ZNF451: variants seen among roughly 807,000 people sequenced by gnomAD.
The protein encoded by ZNF451 is zinc finger protein 451.
In ZNF451, 80 loss-of-function variants were observed where a neutral mutation model predicts 107.1. The observed-to-expected ratio is 0.75, with a 90% CI of 0.62 to 0.90. The LOEUF is 0.90. ZNF451 is among the 40% of genes least tolerant of loss of function. The probability of loss-of-function intolerance (pLI) is 0.00; values close to 1 mark genes in which losing one functional copy is unlikely to be tolerated. For synonymous variants in ZNF451, 362 were observed against 406.5 expected (o/e 0.89, Z 1.32); for missense variants, 1,107 against 1,236.2 (o/e 0.90, Z 1.57).
intron 3 of ZNF451, among the ~76,000 whole-genome samples, chr6:57,114,004 G>A (rs1214602568): frequency 6.6e-6 from 1 of 152,156 alleles, no homozygotes; most frequent in Non-Finnish European, 1.5e-5. Flanking sequence ...TTTCAGGATC[G>A]AGAGTGAATT....
intron 5 of ZNF451, among the ~76,000 whole-genome samples, chr6:57,130,658 G>T (rs535790469): frequency 6.6e-6 from 1 of 152,190 alleles, no homozygotes; most frequent in East Asian, 1.9e-4. Context: ...CTTAATATCT[G>T]GCCTCCAGGT....
At chr6:57,134,627 A>G (rs549303030) in intron 6 of ZNF451, 117 bp from the exon 7 acceptor site, 2 of 834,580 alleles carry the variant, frequency 2.4e-6, no homozygotes, top group Admixed American at 5.5e-5. Flanking sequence ...TTTCAGTAGA[A>G]AAGTGCAAAG....
intron 2 of ZNF451, among the ~76,000 whole-genome samples, chr6:57,096,946 T>G (rs556706513): frequency 5.3e-4 from 80 of 151,720 alleles, no homozygotes; most frequent in South Asian, 2.1e-3. Flanking sequence ...CTATTCCTAT[T>G]TTTAGTGGAG....
intron 13 of ZNF451, among the ~76,000 whole-genome samples, chr6:57,160,166 C>T (rs1398887840): frequency 6.6e-6 from 1 of 151,938 alleles, no homozygotes; most frequent in Non-Finnish European, 1.5e-5. Context: ...ACTTAGTTTC[C>T]CTTATTAGTA....
intron 3 of ZNF451, among the ~76,000 whole-genome samples, chr6:57,121,957 C>T (rs1049515679): frequency 6.6e-6 from 1 of 151,524 alleles, no homozygotes; most frequent in Non-Finnish European, 1.5e-5. Context: ...AGAGACATCA[C>T]ATTACCTAAT....
intron 2 of ZNF451, among the ~76,000 whole-genome samples, chr6:57,095,062 A>G (rs1378368551): frequency 3.9e-5 from 6 of 152,178 alleles, no homozygotes; most frequent in Non-Finnish European, 7.4e-5. Context: ...TAAATGTTTT[A>G]CTTCCGTAAG....
rs1423876126 is a variant in ZNF451 at position 57,147,906 on chromosome 6, A to G, written c.1821A>G (p.Gln607=). Residue 607 remains glutamine (Q), a synonymous_variant, in exon 10 of 15, where the codon CAA becomes CAG. Coordinates refer to ENST00000370706, the MANE Select transcript of ZNF451 (RefSeq NM_001031623.3). ...PANSSPRGKW[Q]CRICEDMFDS... ...ATAGTTCTCCGAGGGGTAAATGGCA[A>G]TGCCGGATTTGTGAAGATATGTTTG... The G allele has an allele frequency of 3.7e-6, 6 of 1,614,046 alleles. No homozygotes were observed. Among genetic ancestry groups the G allele is most frequent in the South Asian group, 3.3e-5 (3 of 91,086 alleles).
intron 6 of ZNF451, 148 bp downstream of exon 6, chr6:57,133,340 T>TG (rs1831273221): frequency 1.2e-6 from 1 of 854,294 alleles, no homozygotes; most frequent in Non-Finnish European, 1.7e-6. Flanking sequence ...TATGATATAA[T>TG]TTTTTCATAA....
chr6:57,132,961 GT>G (rs1831253728), intron 5 of ZNF451, 80 bp from the exon 6 acceptor site: 1 of 1,442,280 alleles, frequency 6.9e-7, no homozygotes, highest in African/African-American at 1.4e-5. Context: ...AATTTTCATT[GT>G]TTTGTCCTAA....
In ZNF451 at chr6:57,134,757, C is replaced by A; in HGVS notation, c.589C>A (p.Pro197Thr). The A allele has an allele frequency of 6.2e-7, 1 of 1,613,046 alleles. No individual in the cohort carries two copies. Among genetic ancestry groups the A allele is most frequent in the Non-Finnish European group, 8.5e-7 (1 of 1,179,598 alleles). Residue 197 changes from proline (P) to threonine (T), a missense_variant, in exon 7 of 15, where the codon CCA (proline) becomes ACA (threonine). Physicochemically the swap from Pro to Thr is conservative, Grantham distance 38. Around this residue, in one of 5 missense-constraint regions of ZNF451, gnomAD observed 339 missense variants for 372.8 expected, o/e 0.91. Transcript: ENST00000370706. ...LGHLKRFDHS[P>T]CDPTITLHGP... Reference sequence around the variant, plus strand: ...TTTGCTGAGTAGGTTCGATCACTCTCCATGTGATCCAACAATTACACTACA... The same window carrying A: ...TTTGCTGAGTAGGTTCGATCACTCTACATGTGATCCAACAATTACACTACA...
intron 7 of ZNF451, among the ~76,000 whole-genome samples, chr6:57,135,324 A>G (rs1831377190): frequency 6.6e-6 from 1 of 152,188 alleles, no homozygotes; most frequent in Non-Finnish European, 1.5e-5. Flanking sequence ...CTTAAGAGAC[A>G]TGAGTTGATT....
chr6:57,090,930 A>T, intron 2 of ZNF451, 36 bp downstream of exon 2: 1 of 29,884 alleles, frequency 3.3e-5, no homozygotes. Flanking sequence ...TTCCCAGAGT[A>T]AAAGACTATG....
chr6:57,132,350 A>C (rs1831219044), intron 5 of ZNF451, among the ~76,000 whole-genome samples: 1 of 152,192 alleles, frequency 6.6e-6, no homozygotes, highest in African/African-American at 2.4e-5. Context: ...TATAATTTTC[A>C]TAGAGCTCAG....
At chr6:57,142,313 GT>G (rs1410331751) in intron 9 of ZNF451, among the ~76,000 whole-genome samples, 1 of 152,110 alleles carries the variant, frequency 6.6e-6, no homozygotes, top group Non-Finnish European at 1.5e-5. Flanking sequence ...ACAGTTCTAA[GT>G]TTTGTGTATG....
rs1764035380 is a variant in ZNF451 at position 57,169,413 on chromosome 6, C to T, written c.*944C>T. 2 of 151,622 alleles carry T rather than the reference C, an allele frequency of 1.3e-5. No homozygotes were observed. Among genetic ancestry groups the T allele is most frequent in the South Asian group, 4.2e-4 (2 of 4,792 alleles). 9.4% of individuals were successfully genotyped at this position (151,622 alleles called of 1,614,324 possible). ...ATATTTAATTCTTAAATATTGAGGC[C>T]CCATTGTGAGTAATAAAAAATACGA... On this transcript the variant is annotated 3_prime_UTR_variant, in exon 15 of 15. Coordinates refer to ENST00000370706, the MANE Select transcript of ZNF451 (RefSeq NM_001031623.3).
chr6:57,094,567 G>A (rs1416119055), intron 2 of ZNF451, among the ~76,000 whole-genome samples: 1 of 152,084 alleles, frequency 6.6e-6, no homozygotes, highest in Non-Finnish European at 1.5e-5. Flanking sequence ...AAAATACCTT[G>A]TAATTACAGG....
chr6:57,098,083 C>A (rs1829412670), intron 2 of ZNF451, among the ~76,000 whole-genome samples: 1 of 150,904 alleles, frequency 6.6e-6, no homozygotes, highest in Non-Finnish European at 1.5e-5. Context: ...AATTCTCCAG[C>A]CTCAGCCTCC....
chr6:57,102,681 C>G, intron 3 of ZNF451: 1 of 985,414 alleles, frequency 1.0e-6, no homozygotes, highest in Non-Finnish European at 1.2e-6. Flanking sequence ...AGCCATGAAG[C>G]TTTGTGTCAA....
intron 14 of ZNF451, among the ~76,000 whole-genome samples, chr6:57,167,221 T>TA (rs886152093): frequency 6.6e-6 from 1 of 152,020 alleles, no homozygotes; most frequent in Non-Finnish European, 1.5e-5. Context: ...ACATATAACC[T>TA]ACTATCATTT....
Sources: gnomAD v4.1 joint callset for allele counts (sites outside exome capture counted in the v4.1 genomes callset) on GRCh38, gnomAD v4.1.1 for gene constraint, gnomAD v4.1.1 regional missense constraint, MANE v1.5 for transcripts, NCBI Gene and HGNC (gene_info 2026-07-23, HGNC 2026-07-21) for gene names.